PRELID2: variants seen among roughly 807,000 people sequenced by gnomAD.
The protein encoded by PRELID2 is PRELI domain containing 2.
Under a neutral mutation model 28.4 loss-of-function variants are expected in PRELID2, and 25 were observed. That is an observed-to-expected ratio of 0.88 (90% CI 0.64 to 1.23). The LOEUF is 1.23. PRELID2 is among the 50% of genes most tolerant of loss of function. PRELID2 has a pLI of 0.00. For missense variants in PRELID2, 201 were observed against 214.4 expected, an observed-to-expected ratio of 0.94 and a Z score of 0.39; for synonymous variants, 76 against 71.6, an observed-to-expected ratio of 1.06 and a Z score of -0.31.
At chr5:145,798,443 A>G (rs1752907887) in intron 4 of PRELID2, among the ~76,000 whole-genome samples, 1 of 152,204 alleles carries the variant, frequency 6.6e-6, no homozygotes, top group Admixed American at 6.5e-5. Flanking sequence ...AATTAGTTCA[A>G]CCATTGTGGA....
chr5:145,459,226 C>T, the PRELID2 span, among the ~76,000 whole-genome samples: 12 of 152,312 alleles, frequency 7.9e-5, no homozygotes, highest in East Asian at 1.9e-4. Flanking sequence ...ATCCTGGAAT[C>T]TTGTGTCCTG....
chr5:145,385,376 C>A, the PRELID2 span, among the ~76,000 whole-genome samples: 1 of 152,098 alleles, frequency 6.6e-6, no homozygotes, highest in Non-Finnish European at 1.5e-5. Context: ...AATTTTTTGT[C>A]CTTCCATAGC....
chr5:145,510,554 T>C (rs572280259), intron 1 of PRELID2, among the ~76,000 whole-genome samples: 3 of 152,296 alleles, frequency 2.0e-5, no homozygotes, highest in South Asian at 2.1e-4. Context: ...AGTACAGCAT[T>C]TGATGTGAAG....
chr5:145,330,274 G>T, the PRELID2 span, among the ~76,000 whole-genome samples: 1 of 152,164 alleles, frequency 6.6e-6, no homozygotes, highest in African/African-American at 2.4e-5. Context: ...GTATCAGGAT[G>T]ATGTTTGCCT....
the PRELID2 span, among the ~76,000 whole-genome samples, chr5:145,313,247 T>TA: frequency 6.6e-6 from 1 of 152,144 alleles, no homozygotes; most frequent in African/African-American, 2.4e-5. Flanking sequence ...TTCATCCAGT[T>TA]AAAAAAATAA....
At chr5:145,384,315 A>G in the PRELID2 span, among the ~76,000 whole-genome samples, 1 of 152,218 alleles carries the variant, frequency 6.6e-6, no homozygotes, top group African/African-American at 2.4e-5. Context: ...AATATATTCA[A>G]AATGACTTTA....
At chr5:145,441,909 G>A in the PRELID2 span, among the ~76,000 whole-genome samples, 2 of 152,102 alleles carry the variant, frequency 1.3e-5, no homozygotes, top group Non-Finnish European at 2.9e-5. Context: ...ATTGCATAAT[G>A]CGATTCAGAC....
chr5:145,460,728 T>C, the PRELID2 span, among the ~76,000 whole-genome samples: 5 of 152,182 alleles, frequency 3.3e-5, no homozygotes, highest in East Asian at 9.6e-4. Flanking sequence ...TTTCACACAG[T>C]CACATAGAAG....
the PRELID2 span, among the ~76,000 whole-genome samples, chr5:145,433,881 C>T: frequency 6.6e-6 from 1 of 152,178 alleles, no homozygotes; most frequent in Non-Finnish European, 1.5e-5. Flanking sequence ...AACTTCTGTG[C>T]AACCATTTCC....
intron 1 of PRELID2, among the ~76,000 whole-genome samples, chr5:145,478,413 G>A (rs187064444): frequency 1.4e-4 from 22 of 152,124 alleles, no homozygotes; most frequent in Non-Finnish European, 2.4e-4. Context: ...CGGGCATGGT[G>A]GTGCGCACCT....
At chr5:145,430,540 G>T in the PRELID2 span, among the ~76,000 whole-genome samples, 2 of 152,048 alleles carry the variant, frequency 1.3e-5, no homozygotes, top group African/African-American at 2.4e-5. Context: ...CATTGTCTAG[G>T]CCTGGTCATG....
At chr5:145,446,456 T>C in the PRELID2 span, among the ~76,000 whole-genome samples, 2 of 151,936 alleles carry the variant, frequency 1.3e-5, no homozygotes, top group East Asian at 1.9e-4. Flanking sequence ...GAGCTAGCCA[T>C]AGGAGGAGCC....
At chr5:145,309,694 A>G in the PRELID2 span, among the ~76,000 whole-genome samples, 2 of 152,172 alleles carry the variant, frequency 1.3e-5, no homozygotes, top group Admixed American at 1.3e-4. Flanking sequence ...TATCTTTACA[A>G]CTACTCTATG....
chr5:145,682,948 G>A (rs1425973456), intron 1 of PRELID2, among the ~76,000 whole-genome samples: 1 of 152,074 alleles, frequency 6.6e-6, no homozygotes, highest in African/African-American at 2.4e-5. Flanking sequence ...GACTAGCAGG[G>A]GAGGAAGGCA....
At chr5:145,660,799 T>A (rs1013869686) in intron 1 of PRELID2, among the ~76,000 whole-genome samples, 1 of 152,120 alleles carries the variant, frequency 6.6e-6, no homozygotes, top group African/African-American at 2.4e-5. Context: ...ATATCAAAAA[T>A]GCATCTGAAG....
the PRELID2 span, among the ~76,000 whole-genome samples, chr5:145,405,050 T>TA: frequency 1.3e-5 from 2 of 151,886 alleles, no homozygotes; most frequent in Non-Finnish European, 2.9e-5. Context: ...TTTCACAACT[T>TA]AAAAAAATAA....
chr5:145,465,725 T>C, the PRELID2 span, among the ~76,000 whole-genome samples: 1 of 152,176 alleles, frequency 6.6e-6, no homozygotes, highest in Admixed American at 6.5e-5. Context: ...GAGTGAGTGC[T>C]GTGCTAGTTA....
At chr5:145,229,989 A>G in the PRELID2 span, 1 of 736,636 alleles carries the variant, frequency 1.4e-6, no homozygotes, top group Non-Finnish European at 2.5e-6. Context: ...CACCGGGTTC[A>G]TCAACATCAA....
chr5:145,415,105 C>T, the PRELID2 span, among the ~76,000 whole-genome samples: 1 of 152,110 alleles, frequency 6.6e-6, no homozygotes, highest in Admixed American at 6.6e-5. Flanking sequence ...AAACACTCCT[C>T]AGCAAATGCA....
Sources: gnomAD v4.1 joint callset for allele counts (sites outside exome capture counted in the v4.1 genomes callset) on GRCh38, gnomAD v4.1.1 for gene constraint, MANE v1.5 for transcripts, NCBI Gene and HGNC (gene_info 2026-07-23, HGNC 2026-07-21) for gene names.